The following OSBPL9 variants were observed in gnomAD, a reference collection of about 807,000 sequenced individuals.
The protein encoded by OSBPL9 is oxysterol-binding protein-related protein 9.
Under a neutral mutation model 106.6 loss-of-function variants are expected in OSBPL9, and 40 were observed. That is an observed-to-expected ratio of 0.38 (90% confidence interval 0.29 to 0.49). The LOEUF (loss-of-function observed/expected upper bound fraction) is 0.49. Among genes scored for constraint, OSBPL9 ranks in the 20% least tolerant of loss-of-function variants. The pLI, the probability that OSBPL9 is intolerant of heterozygous loss-of-function variation, is 0.97. For missense variants in OSBPL9, 609 were observed against 887.2 expected (o/e 0.69, Z 3.98); for synonymous variants, 269 against 295.4 (o/e 0.91, Z 0.92).
chr1:51,577,568 C>T (rs373815651), intron 1 of OSBPL9, among the ~76,000 whole-genome samples: 1 of 152,038 alleles, frequency 6.6e-6, no homozygotes, highest in African/African-American at 2.4e-5. Flanking sequence ...CCACCACTCC[C>T]GGCCCTAGTC....
At chr1:51,617,996 T>TTGTGTGTGTG (rs58221259) in intron 1 of OSBPL9, among the ~76,000 whole-genome samples, 4,659 of 145,708 alleles carry the variant, frequency 0.032, 114 homozygotes, top group Non-Finnish European at 0.042. Context: ...TCTTACGTGG[T>TTGTGTGTGTG]TGTGTGTGTG....
At chr1:51,711,637 G>C (rs1659969089) in intron 3 of OSBPL9, among the ~76,000 whole-genome samples, 1 of 137,396 alleles carries the variant, frequency 7.3e-6, no homozygotes, top group African/African-American at 2.9e-5. Context: ...CTGGGCGGAG[G>C]GGCTCCTCAC....
chr1:51,617,034 C>A (rs1644080259), upstream of OSBPL9: 5 of 1,335,684 alleles, frequency 3.7e-6, no homozygotes, highest in Admixed American at 2.2e-5. Flanking sequence ...CCGCCCCCTG[C>A]GGCCCCGCCC....
At chr1:51,594,565 T>C (rs1379785357) in intron 1 of OSBPL9, among the ~76,000 whole-genome samples, 1 of 152,182 alleles carries the variant, frequency 6.6e-6, no homozygotes, top group Non-Finnish European at 1.5e-5. Context: ...AACTGTGTGC[T>C]CCAACTATAT....
intron 3 of OSBPL9, among the ~76,000 whole-genome samples, chr1:51,672,951 T>C (rs1454988920): frequency 1.2e-4 from 19 of 152,160 alleles, no homozygotes; most frequent in Non-Finnish European, 1.0e-4. Flanking sequence ...GTGGAAAAGT[T>C]TGGTCTGCAG....
In OSBPL9 at chr1:51,746,673, T is replaced by C. The variant is rs372082657; in HGVS notation, c.415-37T>C. The C allele has an allele frequency of 1.8e-5, 27 of 1,467,582 alleles. No individual in the cohort carries two copies. In the African/African-American group the frequency reaches 3.7e-4, roughly 20 times the overall value. 90.9% of individuals were successfully genotyped at this position (1,467,582 alleles called of 1,614,324 possible). Reference sequence around the variant, plus strand: ...AGTGAATGTACATCGTATAGTAAAGTGGCTTGATACTATAACCATTTTTTA... The same window carrying C: ...AGTGAATGTACATCGTATAGTAAAGCGGCTTGATACTATAACCATTTTTTA... On this transcript the variant is annotated intron_variant, in intron 5 of 23. Transcript: ENST00000428468.
intron 1 of OSBPL9, among the ~76,000 whole-genome samples, chr1:51,595,548 G>A (rs368733718): frequency 2.2e-4 from 33 of 152,310 alleles, no homozygotes; most frequent in African/African-American, 7.7e-4. Context: ...AACCAGGGAG[G>A]AAGAAATGGG....
chr1:51,778,192 A>C (rs1441276069), intron 15 of OSBPL9, among the ~76,000 whole-genome samples: 1 of 152,186 alleles, frequency 6.6e-6, no homozygotes, highest in Non-Finnish European at 1.5e-5. Flanking sequence ...GCCAGTAGAT[A>C]AGATTAAACG....
Position 51,756,330 on chromosome 1 carries a change from A to AT in OSBPL9, c.555dup (p.Ala186CysfsTer13). 1 of 1,613,082 alleles carries AT rather than the reference A, an allele frequency of 6.2e-7. No homozygotes were observed. Among genetic ancestry groups the AT allele is most frequent in the Non-Finnish European group, 8.5e-7 (1 of 1,179,294 alleles). On this transcript the variant is annotated frameshift_variant, in exon 9 of 24. Transcript: ENST00000428468. LOFTEE classifies it high-confidence loss of function. The stretch of plus-strand genomic sequence containing the variant: ...ACATTTTTCCTTAAGGACCAGAGTA[A>AT]TGCGGAGAAGCACGCAGATGGAATG...
At chr1:51,551,536 G>C in the OSBPL9 span, among the ~76,000 whole-genome samples, 7 of 152,046 alleles carry the variant, frequency 4.6e-5, no homozygotes. Context: ...ACCAACTTTA[G>C]AAATATCTGG....
intron 1 of OSBPL9, among the ~76,000 whole-genome samples, chr1:51,640,785 A>G (rs1645739673): frequency 6.6e-6 from 1 of 151,778 alleles, no homozygotes; most frequent in Non-Finnish European, 1.5e-5. Flanking sequence ...TGGGAATAAT[A>G]GTAATGTAAA....
rs78167697 is a variant in OSBPL9 at position 51,605,208 on chromosome 1, G to T, written c.-353+7015G>T. Among the ~76,000 whole-genome samples, 281 of 152,288 alleles carry T rather than the reference G, an allele frequency of 1.8e-3. 7 individuals carry two copies. Among genetic ancestry groups the T allele is most frequent in the East Asian group, 6.0e-3 (31 of 5,192 alleles). ...ACAATCTAATGAACAAGACAAATGT[G>T]CAAGCCAATAAAGGCAGGAAATTAT... On this transcript the variant is annotated intron_variant, in intron 2 of 25. Transcript: ENST00000371714.
At chr1:51,745,379 A>T in intron 4 of OSBPL9, 157 bp from the exon 5 acceptor site, 1 of 1,075,306 alleles carries the variant, frequency 9.3e-7, no homozygotes, top group Non-Finnish European at 1.3e-6. Flanking sequence ...ACCACTGTTT[A>T]AATAGACCTA....
chr1:51,621,240 G>T (rs1006470494), intron 1 of OSBPL9, among the ~76,000 whole-genome samples: 2 of 152,096 alleles, frequency 1.3e-5, no homozygotes, highest in Non-Finnish European at 2.9e-5. Flanking sequence ...GGTGGCTCAC[G>T]CCTGTAATCC....
chr1:51,584,102 C>T lies in OSBPL9; in HGVS notation c.-423+6846C>T, dbSNP rs774719999. ...AACTCCTAGACTTCAGTGATCCTCC[C>T]GCCTTAGCCCCGCAAGTAGATGGGA... is the stretch of plus-strand genomic sequence containing the variant. On this transcript the variant is annotated intron_variant, in intron 1 of 25. Transcript: ENST00000371714. Among the ~76,000 whole-genome samples the T allele has an allele frequency of 1.8e-3, 278 of 152,198 alleles. 2 individuals carry two copies. Among genetic ancestry groups the T allele is most frequent in the Non-Finnish European group, 3.1e-3 (209 of 68,018 alleles).
intron 8 of OSBPL9, 122 bp from the exon 9 acceptor site, chr1:51,756,198 G>T (rs957738285): frequency 2.6e-6 from 2 of 758,396 alleles, no homozygotes; most frequent in Admixed American, 4.9e-5. Flanking sequence ...CTTAGTGGAG[G>T]CAGATAAATC....
intron 3 of OSBPL9, among the ~76,000 whole-genome samples, chr1:51,693,785 A>C (rs1655467702): frequency 6.6e-6 from 1 of 152,226 alleles, no homozygotes; most frequent in Non-Finnish European, 1.5e-5. Flanking sequence ...CTGACTACTC[A>C]GCATGTCCCA....
At chr1:51,576,688 G>C (rs762918068), upstream of OSBPL9, among the ~76,000 whole-genome samples, 5 of 151,934 alleles carry the variant, frequency 3.3e-5, no homozygotes, top group African/African-American at 7.3e-5. Context: ...ACTACACCTG[G>C]CTAATTTTTT....
At chr1:51,720,101 T>C (rs141297464) in intron 4 of OSBPL9, among the ~76,000 whole-genome samples, 20 of 152,322 alleles carry the variant, frequency 1.3e-4, no homozygotes, top group African/African-American at 4.6e-4. Flanking sequence ...TGACAAGTAG[T>C]ATGTTGTGCC....
Sources: allele counts gnomAD v4.1 joint callset (sites outside exome capture counted in the v4.1 genomes callset), GRCh38; gene constraint gnomAD v4.1.1; transcripts MANE v1.5; gene names NCBI Gene and HGNC (gene_info 2026-07-23, HGNC 2026-07-21).